The following MEGF11 variants were observed in gnomAD, a reference collection of about 807,000 sequenced individuals.
MEGF11 encodes multiple EGF like domains 11.
In MEGF11, 126 loss-of-function variants were observed where a neutral mutation model predicts 146.6. The observed-to-expected ratio is 0.86, with a 90% CI of 0.74 to 1.00. The LOEUF (loss-of-function observed/expected upper bound fraction) is 1.00, where lower values mean the gene tolerates loss of function less well. Ranked by LOEUF, MEGF11 falls within the 50% of genes least tolerant of loss-of-function variation. MEGF11 has a pLI of 0.00. For missense variants in MEGF11, 1,509 were observed against 1,521.2 expected (o/e 0.99, Z 0.13); for synonymous variants, 532 against 583.4 (o/e 0.91, Z 1.27).
At chr15:66,100,854 G>T (rs1457306585) in intron 4 of MEGF11, among the ~76,000 whole-genome samples, 1 of 40,844 alleles carries the variant, frequency 2.4e-5, no homozygotes, top group African/African-American at 5.6e-5. Context: ...GCCACTGGAT[G>T]GGTGGGTGGG....
intron 5 of MEGF11, among the ~76,000 whole-genome samples, chr15:66,035,614 A>G (rs1001454717): frequency 2.6e-5 from 4 of 152,224 alleles, no homozygotes; most frequent in Admixed American, 1.3e-4. Context: ...ATGCATTTCT[A>G]TGGTGTTTAT....
chr15:66,219,304 A>G (rs1056338667), intron 1 of MEGF11, among the ~76,000 whole-genome samples: 2 of 152,354 alleles, frequency 1.3e-5, no homozygotes, highest in South Asian at 2.1e-4. Flanking sequence ...TCTGCACATC[A>G]CATAGCCAAC....
chr15:65,932,766 G>C (rs75069860), intron 10 of MEGF11, among the ~76,000 whole-genome samples: 9,358 of 152,062 alleles, frequency 0.062, 418 homozygotes, highest in Non-Finnish European at 0.092. Context: ...CGGAGCAAGT[G>C]GTCACTGGAT....
intron 5 of MEGF11, among the ~76,000 whole-genome samples, chr15:66,028,368 A>G (rs754294808): frequency 6.6e-6 from 1 of 152,226 alleles, no homozygotes; most frequent in Non-Finnish European, 1.5e-5. Context: ...TAGATTAGCA[A>G]TTTAGGGAAA....
In MEGF11 at chr15:65,915,500, G is replaced by A; in HGVS notation, c.2443C>T (p.Pro815Ser). 1 of 1,613,922 alleles carries A rather than the reference G, an allele frequency of 6.2e-7. No homozygotes were observed. The highest frequency in any genetic ancestry group is 8.5e-7 in the Non-Finnish European group (1 of 1,179,866). Residue 815 changes from proline to serine, a missense_variant, in exon 19 of 26, where the codon CCT becomes TCT. Coordinates refer to ENST00000395614, the MANE Select transcript of MEGF11 (RefSeq NM_001385028.1). ...DHVTGTCYCS[P>S]GFKGIRCDQA... is the part of the protein sequence containing the mutation. ...TCACACCTGATTCCTTTGAAGCCAGGGCTGCAGTAACAGGTGCCGGTGACA... is the reference window on the plus strand; with the variant it reads ...TCACACCTGATTCCTTTGAAGCCAGAGCTGCAGTAACAGGTGCCGGTGACA...
chr15:66,245,559 G>A (rs1401289089), intron 1 of MEGF11, among the ~76,000 whole-genome samples: 1 of 152,080 alleles, frequency 6.6e-6, no homozygotes, highest in Non-Finnish European at 1.5e-5. Flanking sequence ...TTGAGCCCAG[G>A]TGTTCAAGAT....
chr15:66,126,572 CT>C (rs1433355465), intron 2 of MEGF11, among the ~76,000 whole-genome samples: 1 of 152,214 alleles, frequency 6.6e-6, no homozygotes, highest in Non-Finnish European at 1.5e-5. Flanking sequence ...GGGGCCCTCC[CT>C]GTGGGGGACG....
At chr15:66,242,483 G>A (rs1312147460) in intron 1 of MEGF11, among the ~76,000 whole-genome samples, 1 of 142,478 alleles carries the variant, frequency 7.0e-6, no homozygotes, top group African/African-American at 2.6e-5. Flanking sequence ...GAGAGGGAGG[G>A]AGGGAGATAG....
intron 1 of MEGF11, among the ~76,000 whole-genome samples, chr15:66,171,989 G>A (rs1032944937): frequency 2.6e-5 from 4 of 152,270 alleles, no homozygotes; most frequent in South Asian, 2.1e-4. Flanking sequence ...ACCTCACACC[G>A]CTTCACCCCA....
intron 5 of MEGF11, among the ~76,000 whole-genome samples, chr15:66,075,837 T>C (rs2085552850): frequency 1.3e-5 from 2 of 152,046 alleles, no homozygotes; most frequent in South Asian, 4.1e-4. Context: ...TATGTATCCA[T>C]GAAATAAAGG....
At chr15:65,977,072 G>A (rs2081474800) in intron 7 of MEGF11, among the ~76,000 whole-genome samples, 1 of 148,224 alleles carries the variant, frequency 6.7e-6, no homozygotes, top group African/African-American at 2.5e-5. Context: ...GGGAGGCTGA[G>A]GCAGGAGAAT....
chr15:65,927,465 TA>T (rs1386030938), intron 13 of MEGF11, among the ~76,000 whole-genome samples: 1 of 152,196 alleles, frequency 6.6e-6, no homozygotes, highest in African/African-American at 2.4e-5. Context: ...AGGCAGATAA[TA>T]AACAGTTACC....
At chr15:66,033,089 A>AAAAAAAAAAAAAC (rs2083592182) in intron 5 of MEGF11, among the ~76,000 whole-genome samples, 1 of 151,270 alleles carries the variant, frequency 6.6e-6, no homozygotes, top group African/African-American at 2.4e-5. Flanking sequence ...AAAAAAAAAA[A>AAAAAAAAAAAAAC]AAAAAAAAAA....
chr15:66,175,379 A>G (rs2090365575), intron 1 of MEGF11, among the ~76,000 whole-genome samples: 1 of 152,210 alleles, frequency 6.6e-6, no homozygotes, highest in African/African-American at 2.4e-5. Flanking sequence ...TCCTGAGCAA[A>G]AAGACAAAGC....
chr15:66,045,431 G>A lies in MEGF11; in HGVS notation c.394+48971C>T, dbSNP rs1156539621. Among the ~76,000 whole-genome samples, 7 of 152,254 alleles carry A rather than the reference G, an allele frequency of 4.6e-5. No homozygotes were observed. In the South Asian group the frequency reaches 1.0e-3, roughly 23 times the overall value. ...CACTTAAGGCACTTTCTGAGGGCTC[G>A]CCTGCCCATCCCAAGCCCTGAATTG... On this transcript the variant is annotated intron_variant, in intron 5 of 25. Coordinates refer to ENST00000395614, the MANE Select transcript of MEGF11 (RefSeq NM_001385028.1).
intron 10 of MEGF11, among the ~76,000 whole-genome samples, chr15:65,945,735 C>G (rs1360073329): frequency 6.6e-6 from 1 of 152,148 alleles, no homozygotes; most frequent in Admixed American, 6.5e-5. Context: ...CTGACAGGTG[C>G]CTGATTCCCC....
intron 5 of MEGF11, among the ~76,000 whole-genome samples, chr15:66,058,168 G>A (rs986905260): frequency 1.3e-5 from 2 of 151,784 alleles, no homozygotes; most frequent in African/African-American, 4.8e-5. Context: ...TGGAAGCCGG[G>A]GCCATATCCC....
chr15:66,116,165 G>A (rs1284267242), intron 4 of MEGF11, among the ~76,000 whole-genome samples: 2 of 152,118 alleles, frequency 1.3e-5, no homozygotes, highest in Middle Eastern at 3.4e-3. Context: ...CCCTCAAGGT[G>A]GAGCTCAAGG....
chr15:66,253,470 T>C (rs545653413), intron 1 of MEGF11, 135 bp downstream of exon 1: 1 of 149,540 alleles, frequency 6.7e-6, no homozygotes, highest in Non-Finnish European at 1.5e-5. Context: ...GCGGCCGGGG[T>C]CCGCGGAGCT....
Sources: allele counts gnomAD v4.1 joint callset (sites outside exome capture counted in the v4.1 genomes callset), GRCh38; gene constraint gnomAD v4.1.1; transcripts MANE v1.5; gene names NCBI Gene and HGNC (gene_info 2026-07-23, HGNC 2026-07-21).